Variants in SPTB observed in about 807,000 individuals in gnomAD.
SPTB encodes spectrin beta, erythrocytic.
In SPTB, 45 loss-of-function variants were observed where a neutral mutation model predicts 256.2. The observed-to-expected ratio is 0.18, with a 90% CI of 0.14 to 0.23. The LOEUF is 0.23. Ranked by LOEUF, SPTB falls within the 10% of genes least tolerant of loss-of-function variation. SPTB has a pLI of 1.00. For synonymous variants in SPTB, 1,231 were observed against 1,243.1 expected, an observed-to-expected ratio of 0.99 and a Z score of 0.21; for missense variants, 2,715 against 3,040.4, an observed-to-expected ratio of 0.89 and a Z score of 2.52.
intron 15 of SPTB, among the ~76,000 whole-genome samples, 198 bp downstream of exon 15, chr14:64,791,521 G>T (rs1042979169): frequency 1.5e-5 from 2 of 134,906 alleles, no homozygotes; most frequent in Non-Finnish European, 3.0e-5. Context: ...AGCCGAGATC[G>T]CACCACTGCA....
Position 64,844,515 on chromosome 14 carries a change from A to C in SPTB, c.-51-21370T>G, listed in dbSNP as rs1013651094. 2.0e-5 allele frequency among the ~76,000 whole-genome samples: 3 copies of C among 152,232 alleles called. No homozygotes were observed. Among genetic ancestry groups the C allele is most frequent in the Non-Finnish European group, 4.4e-5 (3 of 68,038 alleles). On this transcript the variant is annotated intron_variant, in intron 1 of 35. Coordinates refer to ENST00000644917, the MANE Select transcript of SPTB (RefSeq NM_001355436.2). This position sits in a 1 kb window ranked among gnomAD's most constrained non-coding sequence, Gnocchi z 4.1. ...TCCATTTTATAAATGAAGAAACTGAAGCTCACAGAAGTTAAGCTACTTGCC... is the reference window on the plus strand; with the variant it reads ...TCCATTTTATAAATGAAGAAACTGACGCTCACAGAAGTTAAGCTACTTGCC...
intron 32 of SPTB, chr14:64,766,273 C>G: frequency 1.8e-6 from 1 of 550,002 alleles, no homozygotes; most frequent in Non-Finnish European, 2.6e-6. Context: ...TTTGTGTGTG[C>G]ATGCATGTGT....
At chr14:64,782,710 C>T (rs192727331) in intron 19 of SPTB, among the ~76,000 whole-genome samples, 157 bp from the exon 20 acceptor site, 2 of 151,824 alleles carry the variant, frequency 1.3e-5, no homozygotes, top group African/African-American at 2.4e-5. Context: ...AACTCTGAAT[C>T]CCCAGCATTA....
intron 1 of SPTB, among the ~76,000 whole-genome samples, chr14:64,864,140 A>C (rs1882016048): frequency 6.6e-6 from 1 of 152,204 alleles, no homozygotes; most frequent in Non-Finnish European, 1.5e-5. Context: ...AAGGAGCATA[A>C]GATATTACAC....
chr14:64,831,826 A>G (rs1248040270), intron 1 of SPTB, among the ~76,000 whole-genome samples: 2 of 152,246 alleles, frequency 1.3e-5, no homozygotes. Flanking sequence ...TCATAGAAAC[A>G]GTGCTGAACA....
rs121918650 is a variant in SPTB at position 64,767,691 on chromosome 14, C to T, written c.6191G>A (p.Arg2064His). 18 of 1,614,106 alleles carry T rather than the reference C, an allele frequency of 1.1e-5. No individual in the cohort carries two copies. Among genetic ancestry groups the T allele is most frequent in the African/African-American group, 5.3e-5 (4 of 74,952 alleles). The stretch of plus-strand genomic sequence containing the variant: ...GGTGGGCTTCTCCAGGGCAGCAAAG[C>T]GCTCTGCCCAGCTGGCCGTGGACTT... ...FEKSTASWAE[R>H]FAALEKPTTL... Residue 2064 changes from arginine (R) to histidine (H), a missense_variant, in exon 30 of 36, where the codon CGC (arginine) becomes CAC (histidine). Coordinates refer to ENST00000644917, the MANE Select transcript of SPTB (RefSeq NM_001355436.2).
rs150907858 is a variant in SPTB at position 64,750,023 on chromosome 14, A to T, written c.6734T>A (p.Ile2245Asn). The T allele has an allele frequency of 6.2e-7, 1 of 1,614,162 alleles. No homozygotes were observed. Among genetic ancestry groups the T allele is most frequent in the South Asian group, 1.1e-5 (1 of 91,082 alleles). ...PLALRHAICEIAANYKKKKHV... is the reference protein window; with the variant it reads ...PLALRHAICENAANYKKKKHV... ...CTTCTTCTTCTTGTAGTTGGCAGCAATCTCACAGATGGCATGTCTCAGGGC... is the reference window on the plus strand; with the variant it reads ...CTTCTTCTTCTTGTAGTTGGCAGCATTCTCACAGATGGCATGTCTCAGGGC... The change falls in exon 34 of 36, where the codon ATT becomes AAT. Residue 2245 changes from isoleucine to asparagine, a missense_variant. Ile to Asn is a moderately radical substitution (Grantham distance 149, BLOSUM62 -3). Coordinates refer to ENST00000644917, the MANE Select transcript of SPTB (RefSeq NM_001355436.2).
At chr14:64,879,024 C>T (rs868082200) in intron 1 of SPTB, among the ~76,000 whole-genome samples, 18 of 152,334 alleles carry the variant, frequency 1.2e-4, no homozygotes, top group South Asian at 2.1e-4. Context: ...GATTGTTTTA[C>T]AGCTTCTGTT....
In SPTB at chr14:64,847,930, G is replaced by A. The variant is rs529716829; in HGVS notation, c.-51-24785C>T. Among the ~76,000 whole-genome samples the A allele has an allele frequency of 3.7e-4, 57 of 152,222 alleles. No homozygotes were observed. The highest frequency in any genetic ancestry group is 1.2e-3 in the African/African-American group (49 of 41,534). ...CTCCACTGTCCGTGGCCAGGTGATCGCATGCATCCTTCACCTGTGAATGCC... is the reference window on the plus strand; with the variant it reads ...CTCCACTGTCCGTGGCCAGGTGATCACATGCATCCTTCACCTGTGAATGCC... On this transcript the variant is annotated intron_variant, in intron 1 of 35. Coordinates refer to ENST00000644917, the MANE Select transcript of SPTB (RefSeq NM_001355436.2). This position sits in a 1 kb window ranked among gnomAD's most constrained non-coding sequence, Gnocchi z 5.9.
Position 64,844,629 on chromosome 14 carries a change from T to A in SPTB, c.-51-21484A>T, listed in dbSNP as rs2083661498. The stretch of plus-strand genomic sequence containing the variant: ...CTCTAATGATAAATTTCAGCTTTGT[T>A]AATAACAGTCCAGCAATTCACATTA... On this transcript the variant is annotated intron_variant, in intron 1 of 35. Coordinates refer to ENST00000644917, the MANE Select transcript of SPTB (RefSeq NM_001355436.2). The surrounding 1 kb of genome is among the most constrained non-coding windows in gnomAD (Gnocchi z 4.1). Among the ~76,000 whole-genome samples the A allele has an allele frequency of 6.6e-6, 1 of 152,244 alleles. No homozygotes were observed. Among genetic ancestry groups the A allele is most frequent in the East Asian group, 1.9e-4 (1 of 5,204 alleles).
At chr14:64,842,025 G>T (rs576431520) in intron 1 of SPTB, among the ~76,000 whole-genome samples, 1 of 152,326 alleles carries the variant, frequency 6.6e-6, no homozygotes, top group African/African-American at 2.4e-5. Flanking sequence ...TAGTCACACT[G>T]AGCTGCTTGC....
chr14:64,822,825 G>T, intron 2 of SPTB, 122 bp downstream of exon 2: 1 of 1,452,472 alleles, frequency 6.9e-7, no homozygotes, highest in Non-Finnish European at 9.6e-7. Flanking sequence ...CGACAAACAC[G>T]TCTCCATCAC....
In SPTB at chr14:64,779,920, G is replaced by A. The variant is rs780282298; in HGVS notation, c.4278C>T (p.Asp1426=). Residue 1426 remains aspartate, a synonymous_variant, in exon 21 of 36, where the codon GAC becomes GAT. Coordinates refer to ENST00000644917, the MANE Select transcript of SPTB (RefSeq NM_001355436.2). This position sits in a 1 kb window ranked among gnomAD's most constrained non-coding sequence, Gnocchi z 4.2. ...GCTCCTCTTTTCGCACATTCACTTG[G>A]TCCTCCACTCGCTGAGACACAAGGG... is the stretch of plus-strand genomic sequence containing the variant. ...RMLAKLKRVE[D]QVNVRKEELG... The A allele has an allele frequency of 5.0e-6, 8 of 1,613,640 alleles. No homozygotes were observed. The Admixed American group carries it at 8.3e-5, about 17-fold the overall frequency.
At position 64,786,473 on chromosome 14, in the gene SPTB, G is replaced by A. The variant is rs746153887; in HGVS notation, c.3492C>T (p.Leu1164=). ...ACTCCTGGAAGCCAAGGCACTGAGC[G>A]AGGGTGTGGCTGCGGCTCTCCCACA... is the stretch of plus-strand genomic sequence containing the variant. ...GRMWESRSHT[L]AQCLGFQEFQ... Residue 1164 remains leucine (L), a synonymous_variant, in exon 16 of 36, where the codon CTC becomes CTT. Transcript: ENST00000644917. The surrounding 1 kb of genome is among the most constrained non-coding windows in gnomAD (Gnocchi z 5.6). 8.7e-6 allele frequency: 14 copies of A among 1,614,026 alleles called. No individual in the cohort carries two copies. The highest frequency in any genetic ancestry group is 1.3e-5 in the African/African-American group (1 of 74,928).
intron 2 of SPTB, among the ~76,000 whole-genome samples, chr14:64,820,906 G>A (rs1429267259): frequency 6.6e-6 from 1 of 151,886 alleles, no homozygotes; most frequent in Admixed American, 6.6e-5. Context: ...TTGAACTCCT[G>A]GTCTCAAGCC....
At position 64,769,628 on chromosome 14, in the gene SPTB, C is replaced by T. The variant is rs144016437; in HGVS notation, c.5899G>A (p.Glu1967Lys). The change falls in exon 28 of 36, where the codon GAG (glutamate) becomes AAG (lysine). Residue 1967 changes from glutamate (E) to lysine (K), a missense_variant. Around this residue, in one of 4 missense-constraint regions of SPTB, gnomAD observed 2,239 missense variants for 2,384.4 expected, o/e 0.94. Transcript: ENST00000644917. ...TGGTGCTGCCGCTGCAGCAGGGACT[C>T]GCCAAGCTCCAGGCAGGCACTGAAG... The part of the protein sequence containing the change: ...KNFSACLELG[E>K]SLLQRQHQAS... 481 of 1,613,982 alleles carry T rather than the reference C, an allele frequency of 3.0e-4. No individual in the cohort carries two copies. Among genetic ancestry groups the T allele is most frequent in the Non-Finnish European group, 3.9e-4 (462 of 1,180,056 alleles).
At chr14:64,761,190 A>G (rs960437244) in intron 32 of SPTB, among the ~76,000 whole-genome samples, 7 of 152,184 alleles carry the variant, frequency 4.6e-5, no homozygotes, top group African/African-American at 1.7e-4. Context: ...GGTGTCTGAT[A>G]TCTCAGCTCT....
Position 64,785,763 on chromosome 14 carries a change from C to T in SPTB, c.3750G>A (p.Gln1250=), listed in dbSNP as rs1326206533. The change falls in exon 17 of 36, where the codon CAG becomes CAA. Residue 1250 remains glutamine (Q), a synonymous_variant. Transcript: ENST00000644917. The surrounding 1 kb of genome is among the most constrained non-coding windows in gnomAD (Gnocchi z 4.4). ...LYSDKIKEKV[Q]LIEDRHRKNN... ...CCCGGGAGTACCTGTCCTCAATCAGCTGCACCTTCTCCTTGATCTTGTCTG... is the reference window on the plus strand; with the variant it reads ...CCCGGGAGTACCTGTCCTCAATCAGTTGCACCTTCTCCTTGATCTTGTCTG... The T allele has an allele frequency of 2.5e-6, 4 of 1,614,138 alleles. No homozygotes were observed. In the East Asian group the frequency reaches 8.9e-5, roughly 36 times the overall value.
At position 64,825,612 on chromosome 14, in the gene SPTB, T is replaced by C. The variant is rs538050973; in HGVS notation, c.-51-2467A>G. Among the ~76,000 whole-genome samples the C allele has an allele frequency of 6.6e-6, 1 of 152,186 alleles. No individual in the cohort carries two copies. Among genetic ancestry groups the C allele is most frequent in the South Asian group, 2.1e-4 (1 of 4,812 alleles). ...GAGCTGCCAGACGCAGGAGGTGAGG[T>C]GAGATCAGACCCTGAGTGCAGGAAG... On this transcript the variant is annotated intron_variant, in intron 1 of 35. Coordinates refer to ENST00000644917, the MANE Select transcript of SPTB (RefSeq NM_001355436.2). The surrounding 1 kb of genome is among the most constrained non-coding windows in gnomAD (Gnocchi z 4.8).
Sources: allele counts gnomAD v4.1 joint callset (sites outside exome capture counted in the v4.1 genomes callset), GRCh38; gene constraint gnomAD v4.1.1; regional missense constraint gnomAD v4.1.1; non-coding constraint Gnocchi (gnomAD v3.1); transcripts MANE v1.5; gene names NCBI Gene and HGNC (gene_info 2026-07-23, HGNC 2026-07-21).